The following USH2A variants were observed in gnomAD, a reference collection of about 807,000 sequenced individuals.
USH2A encodes the protein usherin, also known as Usher syndrome 2A (autosomal recessive, mild).
USH2A carries 443 observed loss-of-function variants against 538.9 expected under a neutral mutation model. The ratio of observed to expected loss-of-function variants is 0.82; its 90% CI spans 0.76 to 0.89. The LOEUF is 0.89. Ranked by LOEUF, USH2A falls within the 40% of genes least tolerant of loss-of-function variation. The pLI, the probability that USH2A is intolerant of heterozygous loss-of-function variation, is 0.00. For missense variants in USH2A, 6,633 were observed against 6,324.8 expected, an observed-to-expected ratio of 1.05 and a Z score of -1.65; for synonymous variants, 2,413 against 2,273.5, an observed-to-expected ratio of 1.06 and a Z score of -1.75.
At chr1:215,706,777 A>T (rs184547210) in intron 61 of USH2A, among the ~76,000 whole-genome samples, 28 of 152,342 alleles carry the variant, frequency 1.8e-4, no homozygotes, top group Non-Finnish European at 3.8e-4. Context: ...AAAGCAAATT[A>T]TGTCAGGTTC....
chr1:216,197,283 C>T (rs894025891), intron 18 of USH2A, among the ~76,000 whole-genome samples: 2 of 152,144 alleles, frequency 1.3e-5, no homozygotes, highest in African/African-American at 2.4e-5. Context: ...TTCCCCCCTG[C>T]CACTCCTGAG....
At chr1:215,641,357 C>T (rs570730819) in intron 67 of USH2A, among the ~76,000 whole-genome samples, 6,321 of 152,186 alleles carry the variant, frequency 0.042, 453 homozygotes, top group African/African-American at 0.14. Context: ...ATTCATGGCC[C>T]TGACTAATCA....
intron 21 of USH2A, among the ~76,000 whole-genome samples, chr1:216,127,526 A>G (rs1483900045): frequency 6.6e-6 from 1 of 152,142 alleles, no homozygotes; most frequent in Non-Finnish European, 1.5e-5. Flanking sequence ...GTTTCAGGAG[A>G]AAACTCTCAG....
rs150600947 is a variant in USH2A at position 215,671,198 on chromosome 1, G to T, written c.13907C>A (p.Pro4636His). The stretch of plus-strand genomic sequence containing the variant: ...CATTTGTACCTCCAGATGTGGAGGG[G>T]GTTGCATCAAAGGTGCAATCTCAGG... The part of the protein sequence containing the change: ...QTPEIAPLMQ[P>H]PPHLEVQMAP... Residue 4636 changes from proline (P) to histidine (H), a missense_variant, in exon 64 of 72, where the codon CCC becomes CAC. Pro to His is a moderately conservative substitution (Grantham distance 77, BLOSUM62 -2). Transcript: ENST00000307340. The T allele has an allele frequency of 2.5e-6, 4 of 1,614,104 alleles. No homozygotes were observed. In the East Asian group the frequency reaches 8.9e-5, roughly 36 times the overall value.
At chr1:215,649,378 C>A (rs754135038) in intron 65 of USH2A, among the ~76,000 whole-genome samples, 4 of 152,088 alleles carry the variant, frequency 2.6e-5, no homozygotes, top group Non-Finnish European at 2.9e-5. Context: ...AAATTTTTAA[C>A]CTCATTGTGG....
chr1:215,846,120 G>A (rs1478445943), intron 44 of USH2A, 87 bp from the exon 45 acceptor site: 2 of 1,330,914 alleles, frequency 1.5e-6, no homozygotes, highest in Admixed American at 4.0e-5. Context: ...TCTAGAATGA[G>A]AAAAAAAGAA....
At chr1:216,073,712 T>C (rs999540357) in intron 27 of USH2A, among the ~76,000 whole-genome samples, 2 of 152,224 alleles carry the variant, frequency 1.3e-5, no homozygotes, top group African/African-American at 4.8e-5. Flanking sequence ...TGCCAAAAAA[T>C]AATATTTGAA....
At chr1:216,241,839 G>T (rs1245651258) in intron 13 of USH2A, among the ~76,000 whole-genome samples, 1 of 152,126 alleles carries the variant, frequency 6.6e-6, no homozygotes, top group African/African-American at 2.4e-5. Flanking sequence ...GCCATTAGGA[G>T]AATAACTTCT....
In USH2A at chr1:215,836,556, TATATA is replaced by T. The variant is rs1558120339; in HGVS notation, c.9371+1430_9371+1434del. 2.0e-3 allele frequency among the ~76,000 whole-genome samples: 38 copies of T among 19,408 alleles called. 4 individuals carry two copies. Among genetic ancestry groups the T allele is most frequent in the Admixed American group, 5.4e-3 (4 of 740 alleles). The allele number at this position is 19,408 out of a possible 152,430, so 12.7% of individuals were successfully genotyped here. On this transcript the variant is annotated intron_variant, in intron 47 of 71. Coordinates refer to ENST00000307340, the MANE Select transcript of USH2A (RefSeq NM_206933.4). ...TATATATATATAATATATATATATA[TATATA>T]TATATTTTTTTTTGAGACAGAGTAT...
intron 61 of USH2A, among the ~76,000 whole-genome samples, chr1:215,719,701 T>G (rs1053014333): frequency 3.3e-5 from 5 of 152,316 alleles, no homozygotes; most frequent in African/African-American, 1.2e-4. Flanking sequence ...GCATATACAT[T>G]AATTTATTAG....
rs188615349 is a variant in USH2A at position 216,132,102 on chromosome 1, A to G, written c.4628-34889T>C. ...CATACAACCTCTCATTCCTTTTACT[A>G]TGATATAATATTTATCTTATTCTGC... is the stretch of plus-strand genomic sequence containing the variant. On this transcript the variant is annotated intron_variant, in intron 21 of 71. Transcript: ENST00000307340. Among the ~76,000 whole-genome samples, 259 of 152,160 alleles carry G rather than the reference A, an allele frequency of 1.7e-3. 4 individuals carry two copies. In the South Asian group the frequency reaches 0.025, roughly 15 times the overall value.
intron 61 of USH2A, among the ~76,000 whole-genome samples, chr1:215,722,944 C>T (rs1015985479): frequency 1.3e-5 from 2 of 152,092 alleles, no homozygotes; most frequent in Admixed American, 1.3e-4. Flanking sequence ...GCAAACAAAC[C>T]CAAATGGTGG....
chr1:216,174,420 G>A (rs2034332451), intron 21 of USH2A: 2 of 985,274 alleles, frequency 2.0e-6, no homozygotes, highest in Non-Finnish European at 2.4e-6. Context: ...CAGAGGTCAT[G>A]GGACTTCCAA....
chr1:215,986,310 CTTTTTTTT>C (rs34962559), intron 35 of USH2A, among the ~76,000 whole-genome samples: 2 of 131,428 alleles, frequency 1.5e-5, no homozygotes, highest in Non-Finnish European at 3.2e-5. Flanking sequence ...TTTTCTTTTT[CTTTTTTTT>C]TTTTTTTTGG....
chr1:215,629,773 C>CTTTTTTTTTTTTTTTTT (rs34349385), intron 70 of USH2A, among the ~76,000 whole-genome samples: 10 of 125,040 alleles, frequency 8.0e-5, no homozygotes, highest in Non-Finnish European at 1.2e-4. Flanking sequence ...CTTTTCTTTT[C>CTTTTTTTTTTTTTTTTT]TTTTTTTTTT....
Position 216,302,331 on chromosome 1 carries a change from C to T in USH2A, c.1645-9961G>A, listed in dbSNP as rs868157710. ...TGACTAGCATTTAATTGAATAGTAA[C>T]ATTAAAGGTTTAAAGGCAAATGCAA... On this transcript the variant is annotated intron_variant, in intron 9 of 71. Transcript: ENST00000307340. 3.3e-5 allele frequency among the ~76,000 whole-genome samples: 5 copies of T among 152,212 alleles called. No homozygotes were observed. In the South Asian group the frequency reaches 1.0e-3, roughly 32 times the overall value.
At chr1:215,790,654 T>C (rs536543297) in intron 50 of USH2A, among the ~76,000 whole-genome samples, 86 of 152,276 alleles carry the variant, frequency 5.6e-4, no homozygotes, top group African/African-American at 1.9e-3. Context: ...GAGAAAGCTC[T>C]AGAAATTCAT....
At chr1:216,266,214 A>C (rs1479920209) in intron 11 of USH2A, among the ~76,000 whole-genome samples, 2 of 150,240 alleles carry the variant, frequency 1.3e-5, no homozygotes, top group African/African-American at 5.0e-5. Context: ...TAAAATATTA[A>C]AAAGTTAAAA....
In USH2A at chr1:215,878,857, T is replaced by A. The variant is rs1664837678; in HGVS notation, c.8465A>T (p.Gln2822Leu). 1 of 1,614,098 alleles carries A rather than the reference T, an allele frequency of 6.2e-7. No homozygotes were observed. Among genetic ancestry groups the A allele is most frequent in the African/African-American group, 1.3e-5 (1 of 75,038 alleles). Reference sequence around the variant, plus strand: ...AATCACAGACAATGGGCCAACATTCTGAGGTACGGTGGGGTGAGTGGTAAC... The same window carrying A: ...AATCACAGACAATGGGCCAACATTCAGAGGTACGGTGGGGTGAGTGGTAAC... The part of the protein sequence containing the change: ...TYVTTHPTVP[Q>L]NVGPLSVIPL... Residue 2822 changes from glutamine (Q) to leucine (L), a missense_variant, in exon 42 of 72, where the codon CAG (glutamine) becomes CTG (leucine). Transcript: ENST00000307340.
Sources: gnomAD v4.1 joint callset for allele counts (sites outside exome capture counted in the v4.1 genomes callset) on GRCh38, gnomAD v4.1.1 for gene constraint, MANE v1.5 for transcripts, NCBI Gene and HGNC (gene_info 2026-07-23, HGNC 2026-07-21) for gene names.